The following DLG2 variants were observed in gnomAD, a reference collection of about 807,000 sequenced individuals.
The protein encoded by DLG2 is discs large MAGUK scaffold protein 2, also known as disks large homolog 2.
Under a neutral mutation model 132.5 loss-of-function variants are expected in DLG2, and 45 were observed. That is an observed-to-expected ratio of 0.34 (90% CI 0.27 to 0.44). The LOEUF (loss-of-function observed/expected upper bound fraction) is 0.44. DLG2 is among the 20% of genes least tolerant of loss of function. The pLI is 1.00. For missense variants in DLG2, 1,045 were observed against 1,196.9 expected, an observed-to-expected ratio of 0.87 and a Z score of 1.87; for synonymous variants, 424 against 419.6, an observed-to-expected ratio of 1.01 and a Z score of -0.13.
chr11:85,141,046 T>C (rs1227780462), intron 5 of DLG2, among the ~76,000 whole-genome samples: 1 of 151,938 alleles, frequency 6.6e-6, no homozygotes, highest in Non-Finnish European at 1.5e-5. Flanking sequence ...TAGGTATCTC[T>C]TCAATATGCT....
chr11:83,885,493 A>G (rs1484938221), intron 15 of DLG2, among the ~76,000 whole-genome samples: 1 of 152,234 alleles, frequency 6.6e-6, no homozygotes. Flanking sequence ...GAAAGTGACG[A>G]GGAGAATGGA....
chr11:84,880,457 G>A (rs113541959), intron 6 of DLG2, among the ~76,000 whole-genome samples: 9 of 152,290 alleles, frequency 5.9e-5, no homozygotes, highest in African/African-American at 2.2e-4. Context: ...GGAACAGCCT[G>A]AGACATGGTT....
chr11:83,706,876 G>GA (rs1412867110), intron 18 of DLG2, among the ~76,000 whole-genome samples: 1 of 152,174 alleles, frequency 6.6e-6, no homozygotes, highest in Non-Finnish European at 1.5e-5. Context: ...TAGTTTGGCA[G>GA]AAAAAATGCA....
chr11:84,920,234 A>G (rs1566395844), intron 6 of DLG2, among the ~76,000 whole-genome samples: 2 of 152,176 alleles, frequency 1.3e-5, no homozygotes, highest in Admixed American at 6.5e-5. Context: ...TCAGCCTTGT[A>G]AGAACCCATG....
intron 6 of DLG2, among the ~76,000 whole-genome samples, chr11:84,890,498 C>G (rs189981283): frequency 7.2e-5 from 11 of 152,276 alleles, no homozygotes; most frequent in Non-Finnish European, 1.6e-4. Flanking sequence ...GATATGTTCT[C>G]TCCCCGGAGG....
intron 16 of DLG2, among the ~76,000 whole-genome samples, chr11:83,850,160 G>GTGTGTGT (rs1452960432): frequency 1.5e-4 from 19 of 124,304 alleles, no homozygotes; most frequent in African/African-American, 6.5e-4. Context: ...GTGTGTGTGT[G>GTGTGTGT]TTTTTTTACT....
intron 6 of DLG2, among the ~76,000 whole-genome samples, chr11:84,637,587 A>C (rs1356950365): frequency 2.0e-5 from 3 of 152,192 alleles, no homozygotes; most frequent in South Asian, 4.1e-4. Context: ...CTTGGGATCT[A>C]AGGGAGACAA....
chr11:85,187,537 T>C (rs2080202120), intron 4 of DLG2, among the ~76,000 whole-genome samples: 1 of 152,018 alleles, frequency 6.6e-6, no homozygotes, highest in Admixed American at 6.6e-5. Flanking sequence ...ACAAAATTGC[T>C]AAAAATAACA....
chr11:85,172,212 T>A (rs890232433), intron 4 of DLG2, among the ~76,000 whole-genome samples: 2 of 152,168 alleles, frequency 1.3e-5, no homozygotes, highest in African/African-American at 2.4e-5. Context: ...CTGGCCAGCA[T>A]CAGGTTGGTG....
chr11:83,472,153 C>T (rs1055702933), intron 23 of DLG2, among the ~76,000 whole-genome samples: 4 of 152,038 alleles, frequency 2.6e-5, no homozygotes, highest in African/African-American at 9.7e-5. Flanking sequence ...GATTTCTTTT[C>T]CCCAGATCAA....
In DLG2 at chr11:84,698,715, G is replaced by A. The variant is rs117716476; in HGVS notation, c.358-163984C>T. Among the ~76,000 whole-genome samples the A allele has an allele frequency of 6.0e-3, 909 of 151,486 alleles. 3 individuals carry two copies. Among genetic ancestry groups the A allele is most frequent in the Non-Finnish European group, 0.01 (687 of 67,604 alleles). ...TACCTGAAATTAATGACATATATAA[G>A]AATCCTTTTACATATACATTGCTTT... On this transcript the variant is annotated intron_variant, in intron 6 of 27. Transcript: ENST00000376104.
intron 19 of DLG2, among the ~76,000 whole-genome samples, chr11:83,551,918 G>T (rs80272314): frequency 0.016 from 2,444 of 152,250 alleles, 65 homozygotes; most frequent in African/African-American, 0.056. Flanking sequence ...TCCTACAGTT[G>T]TACAGCTTGA....
chr11:84,496,493 G>A (rs1054236320), intron 7 of DLG2, among the ~76,000 whole-genome samples: 4 of 152,120 alleles, frequency 2.6e-5, no homozygotes, highest in Non-Finnish European at 4.4e-5. Context: ...GTGTGCATAT[G>A]TCATGCCAGG....
At chr11:84,809,510 A>T (rs1454610666) in intron 6 of DLG2, among the ~76,000 whole-genome samples, 1 of 151,890 alleles carries the variant, frequency 6.6e-6, no homozygotes, top group Non-Finnish European at 1.5e-5. Flanking sequence ...CATCTACAAA[A>T]AAAGAAAAGA....
chr11:85,266,012 G>T (rs1445353780), intron 4 of DLG2, among the ~76,000 whole-genome samples: 1 of 152,194 alleles, frequency 6.6e-6, no homozygotes, highest in Non-Finnish European at 1.5e-5. Context: ...ACCCAAAAAG[G>T]CTGTCACACT....
In DLG2 at chr11:83,925,891, C is replaced by G. The variant is rs1402727066; in HGVS notation, c.1496+4437G>C. Among the ~76,000 whole-genome samples, 8 of 152,002 alleles carry G rather than the reference C, an allele frequency of 5.3e-5. No homozygotes were observed. The South Asian group carries it at 1.0e-3, about 20-fold the overall frequency. ...AAAGTAGAAAAACCAATTAAAACAT[C>G]AAAATTACCTTTTTTCAAAGAAAAA... On this transcript the variant is annotated intron_variant, in intron 15 of 27. Coordinates refer to ENST00000376104, the MANE Select transcript of DLG2 (RefSeq NM_001142699.3).
chr11:85,085,759 G>A (rs2067841458), intron 6 of DLG2, among the ~76,000 whole-genome samples: 1 of 152,002 alleles, frequency 6.6e-6, no homozygotes, highest in African/African-American at 2.4e-5. Context: ...ACTTGCCCAA[G>A]GTCACACAGC....
chr11:84,795,226 G>A (rs1306843722), intron 6 of DLG2, among the ~76,000 whole-genome samples: 5 of 152,144 alleles, frequency 3.3e-5, no homozygotes, highest in Non-Finnish European at 5.9e-5. Context: ...CCCCACTGTG[G>A]GTCTCCTCTT....
chr11:84,467,444 T>A (rs1409228485), intron 7 of DLG2, among the ~76,000 whole-genome samples: 2 of 151,052 alleles, frequency 1.3e-5, no homozygotes, highest in African/African-American at 4.9e-5. Context: ...CTAGAGAGAG[T>A]AAACGTGGCA....
Sources: allele counts gnomAD v4.1 joint callset (sites outside exome capture counted in the v4.1 genomes callset), GRCh38; gene constraint gnomAD v4.1.1; transcripts MANE v1.5; gene names NCBI Gene and HGNC (gene_info 2026-07-23, HGNC 2026-07-21).